Variants in ZMIZ1 observed in about 807,000 individuals in gnomAD.
ZMIZ1 encodes the protein zinc finger MIZ-type containing 1.
ZMIZ1 carries 17 observed loss-of-function variants against 113.9 expected under a neutral mutation model. The observed-to-expected ratio is 0.15, with a 90% CI of 0.10 to 0.22. The LOEUF (loss-of-function observed/expected upper bound fraction) is 0.22, where lower values mean the gene tolerates loss of function less well. ZMIZ1 is among the 10% of genes least tolerant of loss of function. The pLI, the probability that ZMIZ1 is intolerant of heterozygous loss-of-function variation, is 1.00. For synonymous variants in ZMIZ1, 607 were observed against 603.1 expected, an observed-to-expected ratio of 1.01 and a Z score of -0.09; for missense variants, 1,059 against 1,477.8, an observed-to-expected ratio of 0.72 and a Z score of 4.65.
chr10:79,276,936 G>A (rs556555865), intron 7 of ZMIZ1, among the ~76,000 whole-genome samples: 21 of 152,110 alleles, frequency 1.4e-4, no homozygotes, highest in Admixed American at 9.8e-4. Context: ...CTTCCTGCAC[G>A]CGGGCCATTC....
chr10:79,162,479 A>G (rs758254581), intron 4 of ZMIZ1, among the ~76,000 whole-genome samples: 2 of 152,208 alleles, frequency 1.3e-5, no homozygotes. Context: ...GCCCCACCAA[A>G]GGAGGCCTGG....
At chr10:79,182,415 T>C (rs1428697666) in intron 4 of ZMIZ1, among the ~76,000 whole-genome samples, 1 of 152,024 alleles carries the variant, frequency 6.6e-6, no homozygotes, top group Non-Finnish European at 1.5e-5. Context: ...GAGGGCCTGC[T>C]TCTCGAGAGA....
intron 7 of ZMIZ1, chr10:79,216,502 G>C (rs929245527): frequency 2.5e-6 from 1 of 397,422 alleles, no homozygotes; most frequent in Admixed American, 4.7e-5. Flanking sequence ...TGCAGGGCCA[G>C]AGAGGCTCCC....
intron 2 of ZMIZ1, among the ~76,000 whole-genome samples, chr10:79,135,017 C>T (rs1034856355): frequency 1.2e-4 from 18 of 152,180 alleles, no homozygotes; most frequent in African/African-American, 4.3e-4. Context: ...GTGGTTTCAC[C>T]AGGTTGGTCA....
intron 1 of ZMIZ1, among the ~76,000 whole-genome samples, chr10:79,089,886 G>A (rs1044663920): frequency 6.6e-5 from 10 of 152,178 alleles, no homozygotes. Context: ...GGGACAGGTT[G>A]TAGAGAGACG....
At chr10:79,158,233 TGAA>T (rs1477215775) in intron 3 of ZMIZ1, among the ~76,000 whole-genome samples, 1 of 152,152 alleles carries the variant, frequency 6.6e-6, no homozygotes, top group African/African-American at 2.4e-5. Context: ...GCAGCAAGCA[TGAA>T]GAGCTGAGGC....
At chr10:79,255,139 G>A (rs1017115298) in intron 7 of ZMIZ1, among the ~76,000 whole-genome samples, 1 of 152,194 alleles carries the variant, frequency 6.6e-6, no homozygotes, top group Non-Finnish European at 1.5e-5. Flanking sequence ...TGCCTGCCAG[G>A]TGGGCAGCTC....
intron 4 of ZMIZ1, among the ~76,000 whole-genome samples, chr10:79,180,076 AC>A (rs1351976918): frequency 1.3e-5 from 2 of 152,178 alleles, no homozygotes; most frequent in Non-Finnish European, 2.9e-5. Flanking sequence ...CCCCCACAGC[AC>A]CATGAAGATG....
At chr10:79,310,193 C>T (rs1221004883) in intron 23 of ZMIZ1, among the ~76,000 whole-genome samples, 1 of 152,216 alleles carries the variant, frequency 6.6e-6, no homozygotes, top group African/African-American at 2.4e-5. Context: ...GCCTGCCTCC[C>T]TCACAACCCT....
chr10:79,292,758 A>G, intron 11 of ZMIZ1: 1 of 467,614 alleles, frequency 2.1e-6, no homozygotes, highest in Non-Finnish European at 4.3e-6. Context: ...CCTCCTAGTC[A>G]CCCTATCTGT....
intron 8 of ZMIZ1, among the ~76,000 whole-genome samples, chr10:79,288,817 A>G (rs1853269429): frequency 6.6e-6 from 1 of 152,160 alleles, no homozygotes; most frequent in Non-Finnish European, 1.5e-5. Flanking sequence ...CACTCACTGT[A>G]GACCTAAGCA....
chr10:79,156,269 C>T (rs895570618), intron 3 of ZMIZ1, among the ~76,000 whole-genome samples: 21 of 152,284 alleles, frequency 1.4e-4, no homozygotes, highest in African/African-American at 4.8e-4. Context: ...CAGAGACCCC[C>T]CCGCTGCTCT....
chr10:79,097,018 G>T (rs929198220), intron 1 of ZMIZ1, among the ~76,000 whole-genome samples: 5 of 152,178 alleles, frequency 3.3e-5, no homozygotes, highest in Non-Finnish European at 5.9e-5. Context: ...ACAGAGAGGG[G>T]TCCCATGTGG....
Position 79,313,037 on chromosome 10 carries a change from G to T in ZMIZ1, c.*288G>T. ...AAGACCACCCTCCCGAGAGGAACCA[G>T]CCCGGTAAGAGGGCACACGCTGATG... On this transcript the variant is annotated 3_prime_UTR_variant, in exon 25 of 25. Coordinates refer to ENST00000334512, the MANE Select transcript of ZMIZ1 (RefSeq NM_020338.4). 1 of 446,482 alleles carries T rather than the reference G, an allele frequency of 2.2e-6. No individual in the cohort carries two copies. Among genetic ancestry groups the T allele is most frequent in the East Asian group, 3.9e-5 (1 of 25,972 alleles). The allele number at this position is 446,482 out of a possible 1,614,324, so 27.7% of individuals were successfully genotyped here. A position where few individuals can be genotyped will look rare whatever the true frequency, so the allele number is the denominator to read the frequency against.
Position 79,300,989 on chromosome 10 carries a change from T to G in ZMIZ1, c.2019+47T>G, listed in dbSNP as rs745349753. 5 of 1,597,768 alleles carry G rather than the reference T, an allele frequency of 3.1e-6. No homozygotes were observed. In the South Asian group the frequency reaches 4.4e-5, roughly 14 times the overall value. On this transcript the variant is annotated intron_variant, in intron 17 of 24. Coordinates refer to ENST00000334512, the MANE Select transcript of ZMIZ1 (RefSeq NM_020338.4). ...CAGCGTTGGCACAGGCAGGCCCTGTTTCACGGCATGAGAGTGCGGAATACC... is the reference window on the plus strand; with the variant it reads ...CAGCGTTGGCACAGGCAGGCCCTGTGTCACGGCATGAGAGTGCGGAATACC...
intron 7 of ZMIZ1, among the ~76,000 whole-genome samples, chr10:79,236,964 A>G (rs1849614935): frequency 6.6e-6 from 1 of 152,260 alleles, no homozygotes. Context: ...CCAGCCAACA[A>G]TGCTAAGGAC....
chr10:79,113,017 G>A (rs1007151968), intron 1 of ZMIZ1, among the ~76,000 whole-genome samples: 3 of 152,188 alleles, frequency 2.0e-5, no homozygotes, highest in Non-Finnish European at 2.9e-5. Flanking sequence ...CTTGAGCAAG[G>A]CAGCAAGTGA....
intron 4 of ZMIZ1, among the ~76,000 whole-genome samples, chr10:79,190,606 G>A (rs1385567501): frequency 6.6e-6 from 1 of 152,182 alleles, no homozygotes; most frequent in Non-Finnish European, 1.5e-5. Flanking sequence ...GTGAAGAGCA[G>A]CTAACTAAAG....
At chr10:79,252,655 G>T (rs998031628) in intron 7 of ZMIZ1, among the ~76,000 whole-genome samples, 1 of 152,138 alleles carries the variant, frequency 6.6e-6, no homozygotes, top group African/African-American at 2.4e-5. Context: ...GCAAAACGGG[G>T]ACACCCTCAC....
Sources: allele counts gnomAD v4.1 joint callset (sites outside exome capture counted in the v4.1 genomes callset), GRCh38; gene constraint gnomAD v4.1.1; transcripts MANE v1.5; gene names NCBI Gene and HGNC (gene_info 2026-07-23, HGNC 2026-07-21).